Variants in SLC35F3 observed in about 807,000 individuals in gnomAD.
SLC35F3 encodes the protein putative thiamine transporter SLC35F3.
Under a neutral mutation model 49.9 loss-of-function variants are expected in SLC35F3, and 25 were observed. The observed-to-expected ratio is 0.50, with a 90% CI of 0.37 to 0.70. SLC35F3 has a LOEUF of 0.70. Among genes scored for constraint, SLC35F3 ranks in the 30% least tolerant of loss-of-function variants. The pLI is 0.00. For missense variants in SLC35F3, 525 were observed against 639.8 expected (o/e 0.82, Z 1.94); for synonymous variants, 275 against 265.4 (o/e 1.04, Z -0.35).
intron 2 of SLC35F3, among the ~76,000 whole-genome samples, chr1:234,225,873 C>T (rs528654698): frequency 3.3e-5 from 5 of 152,258 alleles, no homozygotes; most frequent in South Asian, 4.1e-4. Flanking sequence ...TGCTGACACA[C>T]GCTACAACGT....
chr1:234,269,019 T>A (rs1268919466), intron 3 of SLC35F3, among the ~76,000 whole-genome samples: 1 of 152,144 alleles, frequency 6.6e-6, no homozygotes, highest in Non-Finnish European at 1.5e-5. Context: ...CCCATGATAA[T>A]AGTAGTCTAT....
At chr1:233,955,796 G>T (rs1334434138) in intron 2 of SLC35F3, among the ~76,000 whole-genome samples, 3 of 112,984 alleles carry the variant, frequency 2.7e-5, no homozygotes, top group Admixed American at 1.0e-4. Flanking sequence ...ACGGAGTTTT[G>T]GTCTTGTCTC....
intron 2 of SLC35F3, among the ~76,000 whole-genome samples, chr1:234,227,836 A>ATAGCC (rs2102948790): frequency 6.6e-6 from 1 of 152,346 alleles, no homozygotes; most frequent in African/African-American, 2.4e-5. Flanking sequence ...GAAAAGAGAT[A>ATAGCC]TAGCTTCCTC....
chr1:234,121,312 T>C (rs1665569268), intron 2 of SLC35F3, among the ~76,000 whole-genome samples: 1 of 151,924 alleles, frequency 6.6e-6, no homozygotes, highest in South Asian at 2.1e-4. Flanking sequence ...AATTTTTTTG[T>C]ATTTCTTAGT....
intron 2 of SLC35F3, among the ~76,000 whole-genome samples, chr1:233,943,095 G>A (rs991578322): frequency 6.6e-6 from 1 of 152,204 alleles, no homozygotes; most frequent in Non-Finnish European, 1.5e-5. Flanking sequence ...AATGAATGGA[G>A]GCTAGATTTT....
intron 2 of SLC35F3, among the ~76,000 whole-genome samples, chr1:234,095,538 AG>A (rs1466176107): frequency 1.3e-5 from 2 of 152,234 alleles, no homozygotes; most frequent in East Asian, 3.8e-4. Flanking sequence ...CTTGTTTGTA[AG>A]TTCAATGCTC....
At chr1:234,097,523 A>G (rs566221709) in intron 2 of SLC35F3, among the ~76,000 whole-genome samples, 1 of 152,174 alleles carries the variant, frequency 6.6e-6, no homozygotes, top group Admixed American at 6.6e-5. Flanking sequence ...AATTTGAACC[A>G]AAGTCTACAC....
intron 2 of SLC35F3, among the ~76,000 whole-genome samples, chr1:234,084,097 C>A (rs1664924492): frequency 6.6e-6 from 1 of 152,036 alleles, no homozygotes; most frequent in Admixed American, 6.6e-5. Context: ...CCTCAGCCTG[C>A]CAAAGTGCTG....
In SLC35F3 at chr1:234,320,241, T is replaced by C; in HGVS notation, c.1237+54T>C. 2 of 1,276,116 alleles carry C rather than the reference T, an allele frequency of 1.6e-6. No homozygotes were observed. Among genetic ancestry groups the C allele is most frequent in the Admixed American group, 3.4e-5 (2 of 59,470 alleles). The allele number at this position is 1,276,116 out of a possible 1,614,324, so 79.0% of individuals were successfully genotyped here. ...ACATAAGCACACACACTCAGTCACC[T>C]ACTCACACACACATACACACACTCA... On this transcript the variant is annotated intron_variant, in intron 7 of 7. Transcript: ENST00000366618. This position sits in a 1 kb window ranked among gnomAD's most constrained non-coding sequence, Gnocchi z 4.8.
intron 2 of SLC35F3, among the ~76,000 whole-genome samples, chr1:234,017,473 G>C (rs1663820294): frequency 6.6e-6 from 1 of 151,944 alleles, no homozygotes; most frequent in African/African-American, 2.4e-5. Flanking sequence ...CAGCACTTTG[G>C]GAGGCTGAGG....
At chr1:233,914,951 C>A (rs1189067446) in intron 2 of SLC35F3, among the ~76,000 whole-genome samples, 1 of 152,140 alleles carries the variant, frequency 6.6e-6, no homozygotes, top group Non-Finnish European at 1.5e-5. Flanking sequence ...AGGACATGGG[C>A]ACAGATTTTT....
chr1:234,112,865 G>A (rs1023805086), intron 2 of SLC35F3, among the ~76,000 whole-genome samples: 2 of 147,822 alleles, frequency 1.4e-5, no homozygotes, highest in South Asian at 2.2e-4. Flanking sequence ...GTGAGCCACC[G>A]TGCCCGGCCT....
intron 2 of SLC35F3, among the ~76,000 whole-genome samples, chr1:234,099,803 G>A (rs1665188134): frequency 6.6e-6 from 1 of 152,088 alleles, no homozygotes; most frequent in Admixed American, 6.6e-5. Context: ...GGATCTAGTG[G>A]AGAAGAATGA....
intron 3 of SLC35F3, among the ~76,000 whole-genome samples, chr1:234,268,181 A>G (rs956850842): frequency 1.3e-5 from 2 of 152,112 alleles, no homozygotes; most frequent in Admixed American, 6.5e-5. Context: ...CACTGAGTGA[A>G]CCAGACTCCG....
In SLC35F3 at chr1:233,957,012, A is replaced by T. The variant is rs576753408; in HGVS notation, c.283+51254A>T. Among the ~76,000 whole-genome samples the T allele has an allele frequency of 6.6e-6, 1 of 152,362 alleles. No individual in the cohort carries two copies. Among genetic ancestry groups the T allele is most frequent in the East Asian group, 1.9e-4 (1 of 5,182 alleles). On this transcript the variant is annotated intron_variant, in intron 2 of 7. Transcript: ENST00000366618. The surrounding 1 kb of genome is among the most constrained non-coding windows in gnomAD (Gnocchi z 4.0). The stretch of plus-strand genomic sequence containing the variant: ...AGGGCATCGACCTCTTCTGCTAGCC[A>T]CAGGAGCTAACCAGGACTGGATCAC...
At chr1:233,985,300 A>C (rs79071531) in intron 2 of SLC35F3, among the ~76,000 whole-genome samples, 7,194 of 152,344 alleles carry the variant, frequency 0.047, 359 homozygotes, top group African/African-American at 0.13. Flanking sequence ...AAAATTGAAC[A>C]GAGCAAAACT....
At chr1:234,117,930 G>GTATATATATATA (rs1572058536) in intron 2 of SLC35F3, among the ~76,000 whole-genome samples, 4 of 27,508 alleles carry the variant, frequency 1.5e-4, no homozygotes, top group Admixed American at 3.9e-4. Flanking sequence ...GTGTGTGTGT[G>GTATATATATATA]TGTGTGTGTG....
At chr1:234,129,277 C>T (rs1275167862) in intron 2 of SLC35F3, among the ~76,000 whole-genome samples, 2 of 152,074 alleles carry the variant, frequency 1.3e-5, no homozygotes, top group Non-Finnish European at 2.9e-5. Flanking sequence ...AAATTGAAGC[C>T]ACAATGAGAT....
intron 2 of SLC35F3, among the ~76,000 whole-genome samples, chr1:233,955,477 A>T (rs971507227): frequency 6.6e-6 from 1 of 151,992 alleles, no homozygotes; most frequent in African/African-American, 2.4e-5. Flanking sequence ...CTGCATATCT[A>T]ATTGGTGGAC....
Sources: gnomAD v4.1 joint callset for allele counts (sites outside exome capture counted in the v4.1 genomes callset) on GRCh38, gnomAD v4.1.1 for gene constraint, Gnocchi (gnomAD v3.1) non-coding constraint, MANE v1.5 for transcripts, NCBI Gene and HGNC (gene_info 2026-07-23, HGNC 2026-07-21) for gene names.